The following NDUFA11 variants were observed in gnomAD, a reference collection of about 807,000 sequenced individuals.
NDUFA11 encodes the protein NADH:ubiquinone oxidoreductase subunit A11.
NDUFA11 carries 14 observed loss-of-function variants against 11.3 expected under a neutral mutation model. The observed-to-expected ratio is 1.24, with a 90% CI of 0.82 to 1.94. The LOEUF (loss-of-function observed/expected upper bound fraction) is 1.94, where lower values mean the gene tolerates loss of function less well. Among genes scored for constraint, NDUFA11 ranks in the 30% most tolerant of loss-of-function variants. The pLI is 0.00. For synonymous variants in NDUFA11, 87 were observed against 85.6 expected (o/e 1.02, Z -0.09); for missense variants, 204 against 200.3 (o/e 1.02, Z -0.11).
chr19:5,901,393 T>C, intron 1 of NDUFA11: 2 of 1,287,158 alleles, frequency 1.6e-6, no homozygotes, highest in Non-Finnish European at 1.0e-6. Context: ...GACCTGGACT[T>C]GCAGCCCAGC....
At chr19:5,898,237 C>T (rs767930843) in intron 1 of NDUFA11, among the ~76,000 whole-genome samples, 35 of 152,206 alleles carry the variant, frequency 2.3e-4, no homozygotes, top group Non-Finnish European at 4.3e-4. Context: ...CACGACTGCC[C>T]CAGGGGAGTG....
chr19:5,903,766 G>C lies in NDUFA11; in HGVS notation c.-58C>G. The C allele has an allele frequency of 3.3e-6, 5 of 1,516,730 alleles. No homozygotes were observed. Among genetic ancestry groups the C allele is most frequent in the East Asian group, 2.5e-5 (1 of 40,742 alleles). 94.0% of individuals were successfully genotyped at this position (1,516,730 alleles called of 1,614,324 possible). ...CGCCAGCTCGGGAAGCGCAAGGGCA[G>C]CCGCGGCTGGCTATCGCGAGACTTC... On this transcript the variant is annotated 5_prime_UTR_variant, in exon 1 of 4. Coordinates refer to ENST00000308961, the MANE Select transcript of NDUFA11 (RefSeq NM_175614.5).
chr19:5,894,722 G>A lies in NDUFA11; in HGVS notation c.*20C>T. The A allele has an allele frequency of 6.2e-7, 1 of 1,610,418 alleles. No homozygotes were observed. The highest frequency in any genetic ancestry group is 2.2e-5 in the East Asian group (1 of 44,752). On this transcript the variant is annotated 3_prime_UTR_variant, in exon 4 of 4. Transcript: ENST00000308961. ...TTCTGGACGCATTCTGCAGGCTGGA[G>A]GTCCCGGCAGGCACAGGGCTCACAC...
At chr19:5,903,010 C>A (rs1168601624) in intron 1 of NDUFA11, among the ~76,000 whole-genome samples, 836 of 103,824 alleles carry the variant, frequency 8.1e-3, no homozygotes, top group Middle Eastern at 0.012. Flanking sequence ...GGCTCTGTCT[C>A]AAAAAAAAAA....
downstream of NDUFA11, chr19:5,892,776 C>A (rs569949336): frequency 1.7e-6 from 2 of 1,145,874 alleles, no homozygotes; most frequent in Admixed American, 3.2e-5. Context: ...ATGCGATGCC[C>A]GTGAGTGGAT....
chr19:5,903,505 G>T, intron 1 of NDUFA11, 107 bp downstream of exon 1: 1 of 1,072,414 alleles, frequency 9.3e-7, no homozygotes, highest in Non-Finnish European at 1.4e-6. Context: ...ACAACCACGT[G>T]CGTACCCGCG....
rs376309559 is a variant in NDUFA11 at position 5,903,591 on chromosome 19, C to T, written c.97+21G>A. ...CCCTGCGGCCTCGGCCCTCCACCCT[C>T]GGGGCCCGGCCGGCGCTCACCAGCG... On this transcript the variant is annotated intron_variant, in intron 1 of 3. Transcript: ENST00000308961. 337 of 1,548,026 alleles carry T rather than the reference C, an allele frequency of 2.2e-4. 1 individual carries two copies. Among genetic ancestry groups the T allele is most frequent in the Non-Finnish European group, 2.3e-4 (259 of 1,146,340 alleles).
rs1487088451 is a variant in NDUFA11, at chr19:5,903,749, C to G, written c.-41G>C. ...TCCCGCACCACGGACCCCGCCAGCT[C>G]GGGAAGCGCAAGGGCAGCCGCGGCT... On this transcript the variant is annotated 5_prime_UTR_variant, in exon 1 of 4. Coordinates refer to ENST00000308961, the MANE Select transcript of NDUFA11 (RefSeq NM_175614.5). 3 of 1,546,106 alleles carry G rather than the reference C, an allele frequency of 1.9e-6. No homozygotes were observed. Among genetic ancestry groups the G allele is most frequent in the Admixed American group, 2.0e-5 (1 of 50,982 alleles).
chr19:5,892,788 G>C (rs1307602040), downstream of NDUFA11: 16 of 1,217,030 alleles, frequency 1.3e-5, no homozygotes, highest in Admixed American at 2.8e-4. Flanking sequence ...TGAGTGGATG[G>C]GATGCCTGCA....
At chr19:5,895,627 AGAG>A in intron 3 of NDUFA11, 1 of 152,986 alleles carries the variant, frequency 6.5e-6, no homozygotes, top group East Asian at 1.9e-4. Context: ...CTGAGCTGCA[AGAG>A]GGCTCGTTCA....
At chr19:5,897,101 C>T (rs996508772) in intron 1 of NDUFA11, 104 bp from the exon 2 acceptor site, 6 of 903,374 alleles carry the variant, frequency 6.6e-6, no homozygotes, top group Middle Eastern at 2.4e-4. Flanking sequence ...CTCACGATGC[C>T]CCCCTTCTTT....
rs772238588 is a variant in NDUFA11 at position 5,896,441 on chromosome 19, G to T, written c.313+12C>A. The T allele has an allele frequency of 3.3e-6, 5 of 1,522,144 alleles. No individual in the cohort carries two copies. Among genetic ancestry groups the T allele is most frequent in the East Asian group, 4.6e-5 (2 of 43,040 alleles). The allele number at this position is 1,522,144 out of a possible 1,614,324, so 94.3% of individuals were successfully genotyped here. ...CTGGGAGGAGGGTGGGGGTGGGGAG[G>T]GGGCCACTCACTGCGTGCTCCCAGA... On this transcript the variant is annotated intron_variant, in intron 3 of 3. Transcript: ENST00000308961. This position sits in a 1 kb window ranked among gnomAD's most constrained non-coding sequence, Gnocchi z 5.8.
Position 5,896,481 on chromosome 19 carries a change from G to A in NDUFA11, c.285C>T (p.Cys95=), listed in dbSNP as rs563276804. The change falls in exon 3 of 4, where the codon TGC becomes TGT. Residue 95 remains cysteine (C), a synonymous_variant. Coordinates refer to ENST00000308961, the MANE Select transcript of NDUFA11 (RefSeq NM_175614.5). The surrounding 1 kb of genome is among the most constrained non-coding windows in gnomAD (Gnocchi z 5.8). ...GTGCTCCCAGAGTCAGGCCTCCGGC[G>A]CAGCCACCGAGGAAGTAGTTCAGGG... is the stretch of plus-strand genomic sequence containing the variant. ...DDPLNYFLGG[C]AGGLTLGART... The A allele has an allele frequency of 8.9e-6, 14 of 1,573,314 alleles. No homozygotes were observed. The highest frequency in any genetic ancestry group is 3.5e-5 in the South Asian group (3 of 85,726).
chr19:5,894,954 C>A (rs577909240), intron 3 of NDUFA11, 100 bp from the exon 4 acceptor site: 2 of 1,311,918 alleles, frequency 1.5e-6, no homozygotes, highest in African/African-American at 1.5e-5. Context: ...CAGACTGAGA[C>A]CCCTGACAGG....
intron 1 of NDUFA11, among the ~76,000 whole-genome samples, chr19:5,899,501 C>CTAGAGTGCA (rs2057632052): frequency 7.8e-6 from 1 of 128,978 alleles, no homozygotes; most frequent in Non-Finnish European, 1.6e-5. Context: ...GTTGCCCAGG[C>CTAGAGTGCA]TAGAGTGCAG....
In NDUFA11 at chr19:5,894,829, G is replaced by A. The variant is rs767516189; in HGVS notation, c.339C>T (p.Ala113=). 24 of 1,611,842 alleles carry A rather than the reference G, an allele frequency of 1.5e-5. No individual in the cohort carries two copies. The highest frequency in any genetic ancestry group is 2.0e-5 in the Non-Finnish European group (23 of 1,179,094). The change falls in exon 4 of 4, where the codon GCC becomes GCT. Residue 113 remains alanine (A), a synonymous_variant. Coordinates refer to ENST00000308961, the MANE Select transcript of NDUFA11 (RefSeq NM_175614.5). The part of the protein sequence containing the change: ...ARTHNYGIGA[A]ACVYFGIAAS... Reference sequence around the variant, plus strand: ...CCGCTATGCCAAAGTACACGCAGGCGGCGGCGCCAATCCCGTAGTTGTGCG... The same window carrying A: ...CCGCTATGCCAAAGTACACGCAGGCAGCGGCGCCAATCCCGTAGTTGTGCG...
At chr19:5,902,233 G>A (rs867741701) in intron 1 of NDUFA11, among the ~76,000 whole-genome samples, 9 of 151,754 alleles carry the variant, frequency 5.9e-5, no homozygotes, top group African/African-American at 2.2e-4. Flanking sequence ...CCAAAGTGCT[G>A]GGATTACAGG....
chr19:5,897,599 T>C (rs10421538), intron 1 of NDUFA11, among the ~76,000 whole-genome samples: 113,398 of 152,168 alleles, frequency 0.75, 42,616 homozygotes, highest in Admixed American at 0.83. Context: ...GGGCTCGTCC[T>C]GCACACCTGG....
rs188758057 is a variant in NDUFA11 at position 5,897,312 on chromosome 19, C to T, written c.98-315G>A. Among the ~76,000 whole-genome samples, 9 of 152,310 alleles carry T rather than the reference C, an allele frequency of 5.9e-5. No homozygotes were observed. The East Asian group carries it at 1.7e-3, about 29-fold the overall frequency. ...CATGCTGGCCCTGGCAGGGCACCGG[C>T]CGGCAGACGGAGACTCATCCACGTG... On this transcript the variant is annotated intron_variant, in intron 1 of 3. Coordinates refer to ENST00000308961, the MANE Select transcript of NDUFA11 (RefSeq NM_175614.5).
Sources: gnomAD v4.1 joint callset for allele counts (sites outside exome capture counted in the v4.1 genomes callset) on GRCh38, gnomAD v4.1.1 for gene constraint, Gnocchi (gnomAD v3.1) non-coding constraint, MANE v1.5 for transcripts, NCBI Gene and HGNC (gene_info 2026-07-23, HGNC 2026-07-21) for gene names.